The following HS6ST3 variants were observed in gnomAD, a reference collection of about 807,000 sequenced individuals.
HS6ST3 encodes heparan-sulfate 6-O-sulfotransferase 3.
In HS6ST3, 12 loss-of-function variants were observed where a neutral mutation model predicts 36.7. The observed-to-expected ratio is 0.33, with a 90% CI of 0.21 to 0.53. The LOEUF is 0.53. Ranked by LOEUF, HS6ST3 falls within the 20% of genes least tolerant of loss-of-function variation. HS6ST3 has a pLI of 0.95. For synonymous variants in HS6ST3, 240 were observed against 257.5 expected, an observed-to-expected ratio of 0.93 and a Z score of 0.65; for missense variants, 584 against 640.9, an observed-to-expected ratio of 0.91 and a Z score of 0.96.
intron 1 of HS6ST3, among the ~76,000 whole-genome samples, chr13:96,234,509 G>T (rs2054524795): frequency 6.6e-6 from 1 of 152,208 alleles, no homozygotes; most frequent in South Asian, 2.1e-4. Context: ...TAGACTCACA[G>T]TTCCATATGG....
intron 1 of HS6ST3, among the ~76,000 whole-genome samples, chr13:96,170,748 C>T (rs965532735): frequency 1.3e-5 from 2 of 152,140 alleles, no homozygotes; most frequent in Non-Finnish European, 2.9e-5. Flanking sequence ...CTGATAGGCA[C>T]AGGAAGTGGT....
intron 1 of HS6ST3, among the ~76,000 whole-genome samples, chr13:96,753,010 A>T (rs1049780421): frequency 2.6e-5 from 4 of 152,192 alleles, no homozygotes; most frequent in African/African-American, 9.7e-5. Context: ...GTCCTAGAGC[A>T]TGTTTTTGAA....
chr13:96,184,027 C>T (rs369243573), intron 1 of HS6ST3, among the ~76,000 whole-genome samples: 1 of 151,606 alleles, frequency 6.6e-6, no homozygotes, highest in African/African-American at 2.4e-5. Context: ...ATGGTAAAAC[C>T]CTGTCTCTAC....
At chr13:96,336,884 T>G (rs2055104034) in intron 1 of HS6ST3, among the ~76,000 whole-genome samples, 1 of 152,198 alleles carries the variant, frequency 6.6e-6, no homozygotes, top group Non-Finnish European at 1.5e-5. Context: ...CTATTACAGG[T>G]GAGCCAAGAA....
chr13:96,220,883 A>G (rs1273424654), intron 1 of HS6ST3, among the ~76,000 whole-genome samples: 1 of 152,184 alleles, frequency 6.6e-6, no homozygotes, highest in Non-Finnish European at 1.5e-5. Flanking sequence ...GTCCACTACA[A>G]AATATTAATT....
intron 1 of HS6ST3, among the ~76,000 whole-genome samples, chr13:96,283,156 A>G (rs1029195446): frequency 6.6e-6 from 1 of 152,208 alleles, no homozygotes; most frequent in African/African-American, 2.4e-5. Context: ...CTTTGCAGAA[A>G]AATGCAAGCA....
chr13:96,399,435 G>A (rs530914323), intron 1 of HS6ST3, among the ~76,000 whole-genome samples: 20 of 152,232 alleles, frequency 1.3e-4, no homozygotes, highest in Non-Finnish European at 2.9e-4. Flanking sequence ...ATTACTTACT[G>A]TTCACACCTC....
intron 1 of HS6ST3, among the ~76,000 whole-genome samples, chr13:96,188,033 G>A (rs1481899946): frequency 6.6e-6 from 1 of 152,072 alleles, no homozygotes; most frequent in Non-Finnish European, 1.5e-5. Context: ...GGGTATACTG[G>A]TATACAAAAC....
At chr13:96,347,338 A>G (rs2139429220) in intron 1 of HS6ST3, among the ~76,000 whole-genome samples, 1 of 152,310 alleles carries the variant, frequency 6.6e-6, no homozygotes, top group Admixed American at 6.5e-5. Context: ...GTTATGGTTG[A>G]CCATTCATCC....
chr13:96,639,748 T>C (rs1033753300), intron 1 of HS6ST3, among the ~76,000 whole-genome samples: 2 of 152,002 alleles, frequency 1.3e-5, no homozygotes, highest in Non-Finnish European at 2.9e-5. Context: ...GCCATCTTTA[T>C]GTCCTCAAAT....
At chr13:96,554,995 G>T (rs2056234762) in intron 1 of HS6ST3, among the ~76,000 whole-genome samples, 1 of 152,058 alleles carries the variant, frequency 6.6e-6, no homozygotes, top group Non-Finnish European at 1.5e-5. Flanking sequence ...TGGGAGAATT[G>T]CTTGAGCCCA....
chr13:96,819,475 A>T (rs371958280), intron 1 of HS6ST3, among the ~76,000 whole-genome samples: 103 of 152,332 alleles, frequency 6.8e-4, no homozygotes, highest in African/African-American at 2.2e-3. Flanking sequence ...AGCTAATATC[A>T]GTGAAACCTC....
chr13:96,434,935 A>G (rs2055634146), intron 1 of HS6ST3, among the ~76,000 whole-genome samples: 1 of 152,140 alleles, frequency 6.6e-6, no homozygotes. Flanking sequence ...GGTTGCCCCT[A>G]TAATGGAGTT....
Position 96,391,204 on chromosome 13 carries a change from AT to A in HS6ST3, c.707+299639del, listed in dbSNP as rs369457451. Among the ~76,000 whole-genome samples the A allele has an allele frequency of 2.9e-3, 442 of 151,980 alleles. 6 individuals carry two copies. Among genetic ancestry groups the A allele is most frequent in the African/African-American group, 0.01 (421 of 41,436 alleles). Reference sequence around the variant, plus strand: ...ATAGCATTGCATTCTCATTTGTTACATTTTGCTCTCAGTACATGTAAGTTTA... The same window carrying A: ...ATAGCATTGCATTCTCATTTGTTACATTTGCTCTCAGTACATGTAAGTTTA... On this transcript the variant is annotated intron_variant, in intron 1 of 1. Coordinates refer to ENST00000376705, the MANE Select transcript of HS6ST3 (RefSeq NM_153456.4).
chr13:96,133,443 G>T (rs532182431), intron 1 of HS6ST3, among the ~76,000 whole-genome samples: 11 of 151,110 alleles, frequency 7.3e-5, no homozygotes, highest in Non-Finnish European at 4.4e-5. Flanking sequence ...TTTTTTTTGA[G>T]ATGGAGTCTC....
At chr13:96,762,367 C>T (rs900218670) in intron 1 of HS6ST3, among the ~76,000 whole-genome samples, 1 of 152,138 alleles carries the variant, frequency 6.6e-6, no homozygotes, top group Non-Finnish European at 1.5e-5. Flanking sequence ...GTAATCCCAG[C>T]TACCTGGGAG....
intron 1 of HS6ST3, among the ~76,000 whole-genome samples, chr13:96,307,716 A>G (rs1033187158): frequency 3.3e-5 from 5 of 152,082 alleles, no homozygotes; most frequent in African/African-American, 1.2e-4. Flanking sequence ...ATTAAAATGA[A>G]ATTTATCACC....
intron 1 of HS6ST3, among the ~76,000 whole-genome samples, chr13:96,706,413 T>TTATATA (rs3052119): frequency 0.041 from 4,933 of 120,854 alleles, 136 homozygotes; most frequent in African/African-American, 0.044. Flanking sequence ...AGAATATATT[T>TTATATA]TATATATATA....
intron 1 of HS6ST3, among the ~76,000 whole-genome samples, chr13:96,831,980 A>AAAAAAAAC (rs1339637754): frequency 6.1e-4 from 87 of 141,986 alleles, no homozygotes; most frequent in African/African-American, 2.1e-3. Flanking sequence ...AAAAAAAAAA[A>AAAAAAAAC]CAGAGATTAA....
Sources: allele counts gnomAD v4.1 joint callset (sites outside exome capture counted in the v4.1 genomes callset), GRCh38; gene constraint gnomAD v4.1.1; transcripts MANE v1.5; gene names NCBI Gene and HGNC (gene_info 2026-07-23, HGNC 2026-07-21).